The following FAM193A variants were observed in gnomAD, a reference collection of about 807,000 sequenced individuals.
FAM193A encodes the protein protein FAM193A.
A neutral mutation model predicts 126.5 loss-of-function variants in FAM193A; 22 were observed. The observed-to-expected ratio is 0.17, with a 90% CI of 0.12 to 0.25. The LOEUF is 0.25. Ranked by LOEUF, FAM193A falls within the 10% of genes least tolerant of loss-of-function variation. The probability of loss-of-function intolerance (pLI) is 1.00; values close to 1 mark genes in which losing one functional copy is unlikely to be tolerated. For missense variants in FAM193A, 1,675 were observed against 1,672.8 expected (o/e 1.00, Z -0.02); for synonymous variants, 761 against 646.8 (o/e 1.18, Z -2.68).
At chr4:2,667,372 T>A (rs1021990983) in intron 12 of FAM193A, among the ~76,000 whole-genome samples, 1 of 152,260 alleles carries the variant, frequency 6.6e-6, no homozygotes, top group Non-Finnish European at 1.5e-5. Flanking sequence ...TATATATTCT[T>A]ACTGATTATC....
intron 1 of FAM193A, among the ~76,000 whole-genome samples, chr4:2,554,993 A>T (rs1738168783): frequency 6.6e-6 from 1 of 152,122 alleles, no homozygotes; most frequent in South Asian, 2.1e-4. Flanking sequence ...TAGCTGCCTG[A>T]TTATTCTTCA....
At chr4:2,656,801 T>C (rs920684891) in intron 7 of FAM193A, among the ~76,000 whole-genome samples, 1 of 152,222 alleles carries the variant, frequency 6.6e-6, no homozygotes, top group African/African-American at 2.4e-5. Flanking sequence ...CATGAGCCCC[T>C]TGTTTGTAAC....
At chr4:2,537,409 C>A (rs947033782) in intron 1 of FAM193A, among the ~76,000 whole-genome samples, 2 of 152,188 alleles carry the variant, frequency 1.3e-5, no homozygotes, top group African/African-American at 2.4e-5. Flanking sequence ...TGAGCAGAGG[C>A]GGCGGGAGGG....
intron 7 of FAM193A, among the ~76,000 whole-genome samples, chr4:2,648,427 G>A (rs1225015410): frequency 1.3e-5 from 2 of 152,242 alleles, no homozygotes; most frequent in South Asian, 2.1e-4. Context: ...GGGCCTGAGA[G>A]AGCAGTTGCT....
At chr4:2,712,106 C>T (rs1340570144) in intron 19 of FAM193A, among the ~76,000 whole-genome samples, 1 of 151,964 alleles carries the variant, frequency 6.6e-6, no homozygotes, top group African/African-American at 2.4e-5. Flanking sequence ...CTTTCTGAGG[C>T]CCAGTGTATG....
intron 13 of FAM193A, among the ~76,000 whole-genome samples, chr4:2,672,963 G>C (rs561995798): frequency 6.6e-6 from 1 of 152,328 alleles, no homozygotes; most frequent in South Asian, 2.1e-4. Context: ...GCCCATTCAG[G>C]AAGTGGAGTG....
rs149449893 is a variant in FAM193A, at chr4:2,690,786, T to C, written c.2619T>C (p.Asp873=). 6.5e-5 allele frequency: 105 copies of C among 1,613,890 alleles called. No individual in the cohort carries two copies. The highest frequency in any genetic ancestry group is 8.2e-5 in the Non-Finnish European group (97 of 1,179,936). ...PSSNETPAVS[D]SKEKKNAAKK... ...GCAATGAAACACCTGCAGTCTCGGA[T>C]AGTAAAGAGAAAAAGAATGCTGCAA... Residue 873 remains aspartate (D), a synonymous_variant, in exon 15 of 21, where the codon GAT becomes GAC. Coordinates refer to ENST00000637812, the MANE Select transcript of FAM193A (RefSeq NM_001366318.2).
At chr4:2,558,694 C>G (rs116543506) in intron 1 of FAM193A, among the ~76,000 whole-genome samples, 1 of 152,144 alleles carries the variant, frequency 6.6e-6, no homozygotes, top group Admixed American at 6.6e-5. Flanking sequence ...CTAGCTGTTT[C>G]TGTCTTTAAA....
rs781012887 is a variant in FAM193A at position 2,672,342 on chromosome 4, G to C, written c.2301G>C (p.Leu767Phe). The change falls in exon 13 of 21, where the codon TTG becomes TTC. Residue 767 changes from leucine to phenylalanine, a missense_variant. Coordinates refer to ENST00000637812, the MANE Select transcript of FAM193A (RefSeq NM_001366318.2). The stretch of plus-strand genomic sequence containing the variant: ...CACGCCCTCTCATCCACCCCACCTT[G>C]TATGCAACGCCCCCCTTCACACACA... ...HLPRPLIHPT[L>F]YATPPFTHSK... is the part of the protein sequence containing the mutation. The C allele has an allele frequency of 1.2e-6, 2 of 1,614,058 alleles. No homozygotes were observed. The highest frequency in any genetic ancestry group is 2.2e-5 in the South Asian group (2 of 91,074).
chr4:2,564,649 C>T (rs1035203452), intron 1 of FAM193A, among the ~76,000 whole-genome samples: 1 of 152,006 alleles, frequency 6.6e-6, no homozygotes, highest in African/African-American at 2.4e-5. Context: ...ACATAGGAAA[C>T]AATATGGCAA....
At chr4:2,731,123 G>A (rs1721327561) in intron 20 of FAM193A, among the ~76,000 whole-genome samples, 1 of 150,296 alleles carries the variant, frequency 6.7e-6, no homozygotes, top group South Asian at 2.1e-4. Context: ...TTCAACGTGG[G>A]AGGCGGAGGC....
intron 1 of FAM193A, among the ~76,000 whole-genome samples, chr4:2,576,408 T>C (rs1739592170): frequency 6.6e-6 from 1 of 152,166 alleles, no homozygotes; most frequent in African/African-American, 2.4e-5. Flanking sequence ...CACCCAGTTA[T>C]TAACATTAGA....
intron 7 of FAM193A, among the ~76,000 whole-genome samples, chr4:2,656,135 T>C (rs1220222356): frequency 6.6e-6 from 1 of 152,162 alleles, no homozygotes; most frequent in Non-Finnish European, 1.5e-5. Flanking sequence ...GTCTTGGTCT[T>C]TGAGGTCTTA....
intron 1 of FAM193A, among the ~76,000 whole-genome samples, chr4:2,586,806 A>G (rs1447586097): frequency 1.3e-5 from 2 of 152,004 alleles, no homozygotes; most frequent in Non-Finnish European, 2.9e-5. Flanking sequence ...GGTGCATGCC[A>G]CTATGCCTGG....
At chr4:2,654,790 A>T (rs1711508454) in intron 7 of FAM193A, 1 of 296,344 alleles carries the variant, frequency 3.4e-6, no homozygotes, top group Admixed American at 4.8e-5. Flanking sequence ...ATCTTGACCC[A>T]TTTTGTGCCT....
intron 4 of FAM193A, among the ~76,000 whole-genome samples, chr4:2,627,886 G>A (rs113497392): frequency 0.066 from 10,098 of 152,018 alleles, 582 homozygotes; most frequent in African/African-American, 0.15. Flanking sequence ...GGGACTACAG[G>A]CACCCACTAC....
At chr4:2,615,627 T>C (rs1742135927) in intron 2 of FAM193A, among the ~76,000 whole-genome samples, 1 of 151,990 alleles carries the variant, frequency 6.6e-6, no homozygotes, top group Admixed American at 6.6e-5. Flanking sequence ...CAAGCAATTC[T>C]CCTGCCTCAG....
At position 2,721,039 on chromosome 4, in the gene FAM193A, C is replaced by T. The variant is rs188800629; in HGVS notation, c.4454+4935C>T. Among the ~76,000 whole-genome samples the T allele has an allele frequency of 2.5e-4, 38 of 151,910 alleles. 1 individual carries two copies. In the East Asian group the frequency reaches 6.8e-3, roughly 27 times the overall value. On this transcript the variant is annotated intron_variant, in intron 20 of 20. Transcript: ENST00000637812. ...AAAAATTAGCCAGGCGTGGGCCGGG[C>T]GCGGTGGTTCATGCCTGTAATCCCA...
intron 1 of FAM193A, among the ~76,000 whole-genome samples, chr4:2,541,485 C>A (rs1374187338): frequency 1.4e-5 from 2 of 141,516 alleles, no homozygotes; most frequent in Non-Finnish European, 3.0e-5. Context: ...CTCGCTCTGT[C>A]ACCAGGCTGG....
Sources: allele counts gnomAD v4.1 joint callset (sites outside exome capture counted in the v4.1 genomes callset), GRCh38; gene constraint gnomAD v4.1.1; transcripts MANE v1.5; gene names NCBI Gene and HGNC (gene_info 2026-07-23, HGNC 2026-07-21).